MED17: variants seen among roughly 807,000 people sequenced by gnomAD.
MED17 encodes the protein mediator of RNA polymerase II transcription subunit 17.
A neutral mutation model predicts 80.8 loss-of-function variants in MED17; 49 were observed. The ratio of observed to expected loss-of-function variants is 0.61; its 90% CI spans 0.48 to 0.77. The LOEUF is 0.77. Ranked by LOEUF, MED17 falls within the 30% of genes least tolerant of loss-of-function variation. MED17 has a pLI of 0.00. For missense variants in MED17, 718 were observed against 787.0 expected, an observed-to-expected ratio of 0.91 and a Z score of 1.05; for synonymous variants, 281 against 280.4, an observed-to-expected ratio of 1.00 and a Z score of -0.02.
rs1184943980 is a variant in MED17 at position 93,788,105 on chromosome 11, G to A, written c.355G>A (p.Val119Ile). ...TGTTCTCTATGATGTTCTCAGTATT[G>A]TTAGGGATAAAAAATTTATGACTCT... is the stretch of plus-strand genomic sequence containing the variant. ...MCVLYDVLSIVRDKKFMTLDP... is the reference protein window; with the variant it reads ...MCVLYDVLSIIRDKKFMTLDP... Residue 119 changes from valine (V) to isoleucine (I), a missense_variant, in exon 2 of 12, where the codon GTT (valine) becomes ATT (isoleucine). Physicochemically the swap from Val to Ile is conservative, Grantham distance 29. Coordinates refer to ENST00000251871, the MANE Select transcript of MED17 (RefSeq NM_004268.5). 2 of 1,613,608 alleles carry A rather than the reference G, an allele frequency of 1.2e-6. No homozygotes were observed. Among genetic ancestry groups the A allele is most frequent in the Non-Finnish European group, 1.7e-6 (2 of 1,179,720 alleles).
At chr11:93,807,815 A>G (rs1591391065) in intron 10 of MED17, 180 bp downstream of exon 10, 1 of 632,620 alleles carries the variant, frequency 1.6e-6, no homozygotes, top group Non-Finnish European at 2.8e-6. Flanking sequence ...GTTAACTGGA[A>G]GTACTGATAA....
chr11:93,809,782 C>G lies in MED17; in HGVS notation c.1650C>G (p.Ser550Arg). ...AGGTTATGGGCTGGCAAGTACTGAGCTTCAGTAATCATGTGGGACTTGGAC... is the reference window on the plus strand; with the variant it reads ...AGGTTATGGGCTGGCAAGTACTGAGGTTCAGTAATCATGTGGGACTTGGAC... ...LAKVMGWQVL[S>R]FSNHVGLGPI... The change falls in exon 11 of 12, where the codon AGC (serine) becomes AGG (arginine). Residue 550 changes from serine to arginine, a missense_variant. Transcript: ENST00000251871. 3 of 1,614,064 alleles carry G rather than the reference C, an allele frequency of 1.9e-6. No individual in the cohort carries two copies. The highest frequency in any genetic ancestry group is 2.5e-6 in the Non-Finnish European group (3 of 1,179,962).
Position 93,790,603 on chromosome 11 carries a change from AAAG to A in MED17, c.451_453del (p.Lys151del). 5.6e-6 allele frequency: 9 copies of A among 1,614,152 alleles called. No individual in the cohort carries two copies. The highest frequency in any genetic ancestry group is 7.6e-6 in the Non-Finnish European group (9 of 1,180,022). On this transcript the variant is annotated inframe_deletion, in exon 3 of 12. Transcript: ENST00000251871. ...CTCAGACGTTGCAATTGATATCTAAAAAGAAGTCACTTGCTGGAGCAGCACAAA... is the reference window on the plus strand; with the variant it reads ...CTCAGACGTTGCAATTGATATCTAAAAAGTCACTTGCTGGAGCAGCACAAA...
intron 6 of MED17, 101 bp downstream of exon 6, chr11:93,795,161 G>C: frequency 2.3e-6 from 3 of 1,293,052 alleles, no homozygotes; most frequent in Non-Finnish European, 3.4e-6. Flanking sequence ...AATAATGAGA[G>C]CAAAGAAATA....
chr11:93,797,705 T>A lies in MED17; in HGVS notation c.1314T>A (p.Ile438=), dbSNP rs1591386626. Residue 438 remains isoleucine, a synonymous_variant, in exon 8 of 12, where the codon ATT becomes ATA. Transcript: ENST00000251871. ...LEKIIKQAKH[I]FLRSRAAATI... ...AAATAATTAAACAAGCAAAGCATAT[T>A]TTTCTAAGGAGTAGGTAAGGTTGAA... 1 of 1,613,152 alleles carries A rather than the reference T, an allele frequency of 6.2e-7. No individual in the cohort carries two copies. The highest frequency in any genetic ancestry group is 2.2e-5 in the East Asian group (1 of 44,856).
chr11:93,790,914 C>T lies in MED17; in HGVS notation c.637+121C>T, dbSNP rs115852730. The T allele has an allele frequency of 1.2e-3, 1,092 of 876,302 alleles. 4 individuals are homozygous for T. The African/African-American group carries it at 0.017, about 13-fold the overall frequency. The allele number at this position is 876,302 out of a possible 1,614,324, so 54.3% of individuals were successfully genotyped here. A position where few individuals can be genotyped will look rare whatever the true frequency, so the allele number is the denominator to read the frequency against. On this transcript the variant is annotated intron_variant, in intron 3 of 11. Coordinates refer to ENST00000251871, the MANE Select transcript of MED17 (RefSeq NM_004268.5). Reference sequence around the variant, plus strand: ...TTGAGGCCAGGAGTTCAAGATGAGCCCAGGCAACATGGCAAAACCCTATCT... The same window carrying T: ...TTGAGGCCAGGAGTTCAAGATGAGCTCAGGCAACATGGCAAAACCCTATCT...
chr11:93,809,249 T>G lies in MED17; in HGVS notation c.1585-468T>G. The G allele has an allele frequency of 1.1e-5, 3 of 273,930 alleles. No homozygotes were observed. The South Asian group carries it at 1.2e-4, about 11-fold the overall frequency. 17.0% of individuals were successfully genotyped at this position (273,930 alleles called of 1,614,324 possible). A position where few individuals can be genotyped will look rare whatever the true frequency, so the allele number is the denominator to read the frequency against. ...AGCCTAGACAACCTCACAGGGAGGG[T>G]GCCAGGGGAATAAATACCCTGACCT... On this transcript the variant is annotated intron_variant, in intron 10 of 11. Transcript: ENST00000251871.
At chr11:93,790,461 A>T in intron 2 of MED17, 113 bp from the exon 3 acceptor site, 1 of 855,656 alleles carries the variant, frequency 1.2e-6, no homozygotes, top group Non-Finnish European at 2.0e-6. Context: ...TGTTATGTGT[A>T]CTTGCCCCTC....
rs747219830 is a variant in MED17, at chr11:93,796,461, A to C, written c.1064A>C (p.Gln355Pro). 2 of 1,613,564 alleles carry C rather than the reference A, an allele frequency of 1.2e-6. No individual in the cohort carries two copies. Among genetic ancestry groups the C allele is most frequent in the African/African-American group, 2.7e-5 (2 of 74,926 alleles). The change falls in exon 7 of 12, where the codon CAA becomes CCA. Residue 355 changes from glutamine to proline, a missense_variant. By Grantham distance (76) the Gln-to-Pro change is moderately conservative. Transcript: ENST00000251871. ...LCHSSNDKKS[Q>P]KFATEKQCPE... ...CATTCCTCAAATGATAAGAAATCCC[A>C]AAAATTTGCTACTGAGAAGCAATGT...
intron 10 of MED17, chr11:93,808,633 C>T (rs1944053633): frequency 6.7e-6 from 1 of 150,358 alleles, no homozygotes; most frequent in African/African-American, 2.4e-5. Context: ...AAAACCTACC[C>T]TATATCTCAG....
intron 10 of MED17, 123 bp downstream of exon 10, chr11:93,807,758 GAAATT>G: frequency 1.3e-6 from 1 of 753,296 alleles, no homozygotes; most frequent in East Asian, 2.5e-5. Context: ...TTTTCCAGTA[GAAATT>G]AAATTCTGTT....
intron 11 of MED17, chr11:93,810,734 T>C (rs1396287468): frequency 6.6e-6 from 1 of 152,258 alleles, no homozygotes; most frequent in Non-Finnish European, 1.5e-5. Context: ...GTGGGCACTT[T>C]AATAGGCACT....
Position 93,814,286 on chromosome 11 carries a change from G to A in MED17, c.*2222G>A, listed in dbSNP as rs1426348810. ...ATTGTAGAAACTAAAGCAAATGTGT[G>A]GGAAAATGGTAGCTTAGTTGCTGTG... On this transcript the variant is annotated 3_prime_UTR_variant, in exon 12 of 12. Coordinates refer to ENST00000251871, the MANE Select transcript of MED17 (RefSeq NM_004268.5). 1 of 152,162 alleles carries A rather than the reference G, an allele frequency of 6.6e-6. No individual in the cohort carries two copies. Among genetic ancestry groups the A allele is most frequent in the Non-Finnish European group, 1.5e-5 (1 of 68,040 alleles). The allele number at this position is 152,162 out of a possible 1,614,324, so 9.4% of individuals were successfully genotyped here. A position where few individuals can be genotyped will look rare whatever the true frequency, so the allele number is the denominator to read the frequency against.
At chr11:93,788,902 ATCCT>A (rs1189163048) in intron 2 of MED17, 1 of 152,020 alleles carries the variant, frequency 6.6e-6, no homozygotes, top group African/African-American at 2.4e-5. Flanking sequence ...TTTCCATCTA[ATCCT>A]TCCTTCCCTT....
intron 2 of MED17, chr11:93,790,280 T>G (rs1443890232): frequency 2.0e-6 from 1 of 500,948 alleles, no homozygotes; most frequent in African/African-American, 1.9e-5. Context: ...TGGCAATATA[T>G]AAGGAGAGGA....
rs78777875 is a variant in MED17, at chr11:93,785,479, G to A, written c.250+716G>A. On this transcript the variant is annotated intron_variant, in intron 1 of 11. Coordinates refer to ENST00000251871, the MANE Select transcript of MED17 (RefSeq NM_004268.5). ...TCAAAATTCTTAATTTAGTTATGCA[G>A]CACACCCAGTGTAAATGGGAATTTA... Among the ~76,000 whole-genome samples the A allele has an allele frequency of 5.4e-3, 818 of 152,212 alleles. 11 individuals carry two copies. Among genetic ancestry groups the A allele is most frequent in the African/African-American group, 0.019 (777 of 41,516 alleles).
intron 2 of MED17, chr11:93,789,575 C>T (rs1300647322): frequency 6.6e-6 from 1 of 152,128 alleles, no homozygotes; most frequent in Admixed American, 6.5e-5. Flanking sequence ...GTAAAATACA[C>T]AAATTATGGT....
chr11:93,808,112 C>A lies in MED17; in HGVS notation c.1584+477C>A, dbSNP rs117804333. 1,388 of 181,610 alleles carry A rather than the reference C, an allele frequency of 7.6e-3. 9 individuals are homozygous for A. The highest frequency in any genetic ancestry group is 0.024 in the Middle Eastern group (9 of 374). The allele number at this position is 181,610 out of a possible 1,614,324, so 11.2% of individuals were successfully genotyped here. A position where few individuals can be genotyped will look rare whatever the true frequency, so the allele number is the denominator to read the frequency against. ...GGTATGGTGGTTTGCGCCTATAATC[C>A]CAGCACTTTGGGAGGCTGAAGCGAG... On this transcript the variant is annotated intron_variant, in intron 10 of 11. Transcript: ENST00000251871.
At chr11:93,802,135 C>T (rs1943969816) in intron 9 of MED17, among the ~76,000 whole-genome samples, 163 bp downstream of exon 9, 1 of 151,478 alleles carries the variant, frequency 6.6e-6, no homozygotes, top group African/African-American at 2.4e-5. Context: ...GGTGGAGTCT[C>T]ACTCTTTTAC....
Sources: gnomAD v4.1 joint callset for allele counts (sites outside exome capture counted in the v4.1 genomes callset) on GRCh38, gnomAD v4.1.1 for gene constraint, MANE v1.5 for transcripts, NCBI Gene and HGNC (gene_info 2026-07-23, HGNC 2026-07-21) for gene names.